The following TENM3 variants were observed in gnomAD, a reference collection of about 807,000 sequenced individuals.
TENM3 encodes teneurin transmembrane protein 3.
Under a neutral mutation model 255.1 loss-of-function variants are expected in TENM3, and 63 were observed. That is an observed-to-expected ratio of 0.25 (90% CI 0.20 to 0.30). The LOEUF is 0.30. Ranked by LOEUF, TENM3 falls within the 10% of genes least tolerant of loss-of-function variation. The probability of loss-of-function intolerance (pLI) is 1.00; values close to 1 mark genes in which losing one functional copy is unlikely to be tolerated. For missense variants in TENM3, 2,929 were observed against 3,461.1 expected, an observed-to-expected ratio of 0.85 and a Z score of 3.86; for synonymous variants, 1,306 against 1,322.3, an observed-to-expected ratio of 0.99 and a Z score of 0.27.
rs182335943 is a variant in TENM3 at position 182,321,561 on chromosome 4, G to T, written c.-75-2385G>T. The stretch of plus-strand genomic sequence containing the variant: ...GAATTGCTTGAACCTGGGAGGCAAA[G>T]GTTGCAGCAAGCCAAGATTGTGCCA... On this transcript the variant is annotated intron_variant, in intron 1 of 27. Coordinates refer to ENST00000511685, the MANE Select transcript of TENM3 (RefSeq NM_001080477.4). Among the ~76,000 whole-genome samples the T allele has an allele frequency of 7.9e-4, 119 of 150,430 alleles. 1 individual carries two copies. The highest frequency in any genetic ancestry group is 2.8e-3 in the African/African-American group (112 of 39,850).
chr4:182,217,989 G>A (rs1755609648), intron 1 of TENM3, among the ~76,000 whole-genome samples: 1 of 152,190 alleles, frequency 6.6e-6, no homozygotes, highest in Admixed American at 6.5e-5. Context: ...AGTCATCGGA[G>A]TAACAGTAAT....
Position 182,754,540 on chromosome 4 carries a change from T to C in TENM3, c.4173T>C (p.Tyr1391=). 1 of 1,613,972 alleles carries C rather than the reference T, an allele frequency of 6.2e-7. No homozygotes were observed. The highest frequency in any genetic ancestry group is 8.5e-7 in the Non-Finnish European group (1 of 1,179,870). ...PMHCQVPGVE[Y]PVGKHAVQTT... ...ACTGTCAGGTTCCCGGAGTGGAATATCCTGTGGGGAAGCACGCGGTGCAGA... is the reference window on the plus strand; with the variant it reads ...ACTGTCAGGTTCCCGGAGTGGAATACCCTGTGGGGAAGCACGCGGTGCAGA... The change falls in exon 22 of 28, where the codon TAT becomes TAC. Residue 1391 remains tyrosine, a synonymous_variant. Coordinates refer to ENST00000511685, the MANE Select transcript of TENM3 (RefSeq NM_001080477.4). This position sits in a 1 kb window ranked among gnomAD's most constrained non-coding sequence, Gnocchi z 5.1.
the TENM3 span, among the ~76,000 whole-genome samples, chr4:181,944,027 T>A: frequency 6.6e-6 from 1 of 152,188 alleles, no homozygotes; most frequent in Non-Finnish European, 1.5e-5. Flanking sequence ...TTTGTCCAGT[T>A]CTGTCAGTTG....
At chr4:182,797,830 C>G (rs1766607358) in intron 27 of TENM3, among the ~76,000 whole-genome samples, 1 of 152,224 alleles carries the variant, frequency 6.6e-6, no homozygotes, top group East Asian at 1.9e-4. Context: ...CCTATCATTT[C>G]AATGAAAACA....
chr4:181,554,994 G>C, the TENM3 span, among the ~76,000 whole-genome samples: 1,423 of 152,278 alleles, frequency 9.3e-3, 31 homozygotes, highest in African/African-American at 0.033. Flanking sequence ...ATTGACAAGA[G>C]ATAGAATTTA....
chr4:182,738,885 A>AGTCAGTCC (rs1761385719), intron 18 of TENM3, among the ~76,000 whole-genome samples: 1 of 20,036 alleles, frequency 5.0e-5, no homozygotes, highest in African/African-American at 1.2e-4. Flanking sequence ...TTCTACAGTG[A>AGTCAGTCC]GTCAGTGAGT....
chr4:182,083,683 A>G, the TENM3 span, among the ~76,000 whole-genome samples: 1 of 152,232 alleles, frequency 6.6e-6, no homozygotes, highest in Non-Finnish European at 1.5e-5. Context: ...TAAAGTCAGT[A>G]AGTTCTTAAA....
intron 19 of TENM3, among the ~76,000 whole-genome samples, chr4:182,750,299 C>G (rs1762282581): frequency 6.6e-6 from 1 of 152,134 alleles, no homozygotes; most frequent in South Asian, 2.1e-4. Context: ...CACTCAAAGG[C>G]TGGAAAGGAG....
the TENM3 span, among the ~76,000 whole-genome samples, chr4:181,708,319 T>C: frequency 2.6e-5 from 4 of 152,212 alleles, no homozygotes; most frequent in African/African-American, 9.6e-5. Flanking sequence ...GATATAATAA[T>C]TTACGGACAT....
At chr4:182,406,462 A>G (rs1050281957) in intron 3 of TENM3, among the ~76,000 whole-genome samples, 4 of 152,224 alleles carry the variant, frequency 2.6e-5, no homozygotes, top group Non-Finnish European at 4.4e-5. Context: ...ACTAATTGTA[A>G]ATGTTAAAAA....
chr4:181,665,380 T>A, the TENM3 span, among the ~76,000 whole-genome samples: 1 of 152,310 alleles, frequency 6.6e-6, no homozygotes, highest in Admixed American at 6.5e-5. Context: ...CCTAGTCCCA[T>A]TCCTTAGGAG....
the TENM3 span, among the ~76,000 whole-genome samples, chr4:181,691,503 G>A: frequency 6.6e-6 from 1 of 152,074 alleles, no homozygotes; most frequent in Non-Finnish European, 1.5e-5. Flanking sequence ...TTTTAGCAAA[G>A]AGGCCCCCTT....
At chr4:181,716,486 T>A in the TENM3 span, among the ~76,000 whole-genome samples, 5 of 152,190 alleles carry the variant, frequency 3.3e-5, no homozygotes, top group South Asian at 6.2e-4. Context: ...CCTCCATGGC[T>A]CTGCCTACAA....
At chr4:182,663,651 A>C (rs1404534456) in intron 6 of TENM3, among the ~76,000 whole-genome samples, 1 of 152,216 alleles carries the variant, frequency 6.6e-6, no homozygotes, top group African/African-American at 2.4e-5. Flanking sequence ...TATGAATATA[A>C]ACAAAAGAAA....
chr4:182,241,423 C>T (rs1427422277), upstream of TENM3, among the ~76,000 whole-genome samples: 1 of 151,854 alleles, frequency 6.6e-6, no homozygotes, highest in Non-Finnish European at 1.5e-5. Context: ...CCCTGTGTGG[C>T]ATTCCCCTCT....
At chr4:181,717,360 A>G in the TENM3 span, among the ~76,000 whole-genome samples, 77,723 of 151,966 alleles carry the variant, frequency 0.51, 20,467 homozygotes, top group Admixed American at 0.62. Context: ...ATGTCCTAGT[A>G]GAGATATTTT....
the TENM3 span, among the ~76,000 whole-genome samples, chr4:181,453,331 G>A: frequency 6.6e-6 from 1 of 152,154 alleles, no homozygotes; most frequent in Non-Finnish European, 1.5e-5. Context: ...AGCTTGGGGA[G>A]GGACAGCAGA....
Position 182,688,406 on chromosome 4 carries a change from C to T in TENM3, c.2221+55C>T, listed in dbSNP as rs554110009. On this transcript the variant is annotated intron_variant, in intron 12 of 27. Transcript: ENST00000511685. ...CCTTCCTCCCAGAGAAGAGCACCGA[C>T]GGTCAGCTGTTTTCAACTTGGAAAA... 2.3e-4 allele frequency: 309 copies of T among 1,345,908 alleles called. 4 individuals carry two copies. The South Asian group carries it at 3.9e-3, about 17-fold the overall frequency. 83.4% of individuals were successfully genotyped at this position (1,345,908 alleles called of 1,614,324 possible). A position where few individuals can be genotyped will look rare whatever the true frequency, so the allele number is the denominator to read the frequency against.
chr4:182,586,492 G>A (rs764134340), intron 3 of TENM3, among the ~76,000 whole-genome samples: 2 of 152,042 alleles, frequency 1.3e-5, no homozygotes, highest in African/African-American at 4.8e-5. Flanking sequence ...TTTTAGTGTT[G>A]TATACACACA....
Sources: allele counts gnomAD v4.1 joint callset (sites outside exome capture counted in the v4.1 genomes callset), GRCh38; gene constraint gnomAD v4.1.1; non-coding constraint Gnocchi (gnomAD v3.1); transcripts MANE v1.5; gene names NCBI Gene and HGNC (gene_info 2026-07-23, HGNC 2026-07-21).